SLIT3: variants seen among roughly 807,000 people sequenced by gnomAD.
SLIT3 encodes slit guidance ligand 3, also known as slit homolog 3 protein.
Under a neutral mutation model 184.0 loss-of-function variants are expected in SLIT3, and 68 were observed. That is an observed-to-expected ratio of 0.37 (90% confidence interval 0.30 to 0.45). The LOEUF (loss-of-function observed/expected upper bound fraction) is 0.45, where lower values mean the gene tolerates loss of function less well. Among genes scored for constraint, SLIT3 ranks in the 20% least tolerant of loss-of-function variants. The probability of loss-of-function intolerance (pLI) is 1.00; values close to 1 mark genes in which losing one functional copy is unlikely to be tolerated. For missense variants in SLIT3, 1,707 were observed against 2,026.0 expected (o/e 0.84, Z 3.02); for synonymous variants, 831 against 828.6 (o/e 1.00, Z -0.05).
chr5:169,184,941 G>C (rs1390099595), intron 4 of SLIT3, among the ~76,000 whole-genome samples: 4 of 152,186 alleles, frequency 2.6e-5, no homozygotes, highest in African/African-American at 9.7e-5. Context: ...ATTCTGTAAT[G>C]CAAGAATCTA....
At position 169,207,382 on chromosome 5, in the gene SLIT3, C is replaced by T. The variant is rs1010432853; in HGVS notation, c.342-13832G>A. 8.1e-4 allele frequency among the ~76,000 whole-genome samples: 121 copies of T among 149,410 alleles called. 1 individual carries two copies. In the East Asian group the frequency reaches 0.017, roughly 21 times the overall value. On this transcript the variant is annotated intron_variant, in intron 3 of 35. Coordinates refer to ENST00000519560, the MANE Select transcript of SLIT3 (RefSeq NM_003062.4). ...ACATACACATACATACACACACACACACACACACACACACACACACACACA... is the reference window on the plus strand; with the variant it reads ...ACATACACATACATACACACACACATACACACACACACACACACACACACA...
intron 4 of SLIT3, among the ~76,000 whole-genome samples, chr5:169,187,746 G>T (rs891650348): frequency 3.3e-5 from 5 of 151,610 alleles, no homozygotes; most frequent in African/African-American, 1.2e-4. Flanking sequence ...TAGAGACGGG[G>T]TTTCACCACA....
At chr5:169,125,967 G>A (rs1453600988) in intron 4 of SLIT3, among the ~76,000 whole-genome samples, 4 of 152,090 alleles carry the variant, frequency 2.6e-5, no homozygotes, top group African/African-American at 9.7e-5. Flanking sequence ...TAGGGCCCTA[G>A]AGATCACACT....
chr5:169,249,835 T>C (rs1581101690), intron 2 of SLIT3, among the ~76,000 whole-genome samples: 1 of 152,228 alleles, frequency 6.6e-6, no homozygotes, highest in Admixed American at 6.5e-5. Flanking sequence ...GGGTGTGCCT[T>C]CCCTTTGAGG....
rs140011395 is a variant in SLIT3 at position 168,777,509 on chromosome 5, C to G, written c.1152-3131G>C. On this transcript the variant is annotated intron_variant, in intron 12 of 35. Transcript: ENST00000519560. ...TCTATTGAGGCTCTTTTTTTCTCAT[C>G]CAGATGCTCCTTTGTTTCCTATTGC... Among the ~76,000 whole-genome samples the G allele has an allele frequency of 5.5e-3, 835 of 152,254 alleles. 8 individuals carry two copies. Among genetic ancestry groups the G allele is most frequent in the African/African-American group, 0.02 (816 of 41,538 alleles).
intron 1 of SLIT3, among the ~76,000 whole-genome samples, chr5:169,291,521 C>G (rs767485350): frequency 6.6e-6 from 1 of 152,162 alleles, no homozygotes; most frequent in Non-Finnish European, 1.5e-5. Flanking sequence ...GACTGTACCA[C>G]GTTCCCATTT....
At chr5:169,194,053 T>C (rs1295522660) in intron 3 of SLIT3, among the ~76,000 whole-genome samples, 1 of 151,856 alleles carries the variant, frequency 6.6e-6, no homozygotes, top group Non-Finnish European at 1.5e-5. Context: ...GGCAACATGG[T>C]GAAACCCCGT....
chr5:169,161,126 T>C (rs901589107), intron 4 of SLIT3, among the ~76,000 whole-genome samples: 1 of 152,124 alleles, frequency 6.6e-6, no homozygotes, highest in Non-Finnish European at 1.5e-5. Context: ...CATCTAGGGA[T>C]AACAGTTAAA....
intron 4 of SLIT3, among the ~76,000 whole-genome samples, chr5:169,003,868 G>A (rs1445989019): frequency 6.6e-6 from 1 of 151,860 alleles, no homozygotes; most frequent in Non-Finnish European, 1.5e-5. Context: ...GGTGGCTCTG[G>A]AGGGGGCAGC....
At chr5:169,044,946 C>T (rs909044320) in intron 4 of SLIT3, among the ~76,000 whole-genome samples, 3 of 152,140 alleles carry the variant, frequency 2.0e-5, no homozygotes, top group African/African-American at 4.8e-5. Flanking sequence ...CTTCCCACTG[C>T]TCATACTTCT....
chr5:168,702,958 T>C (rs1762260721), intron 26 of SLIT3, among the ~76,000 whole-genome samples: 1 of 152,044 alleles, frequency 6.6e-6, no homozygotes, highest in Non-Finnish European at 1.5e-5. Context: ...CTCCCAACTA[T>C]GGCGGTGGTG....
intron 4 of SLIT3, among the ~76,000 whole-genome samples, chr5:168,888,384 G>A (rs184333603): frequency 6.6e-6 from 1 of 152,370 alleles, no homozygotes; most frequent in East Asian, 1.9e-4. Context: ...TGCTGAAGAT[G>A]TTCCCAGCTA....
chr5:168,701,222 C>T (rs960701362), intron 26 of SLIT3, among the ~76,000 whole-genome samples: 4 of 152,202 alleles, frequency 2.6e-5, no homozygotes, highest in Non-Finnish European at 4.4e-5. Flanking sequence ...ATAACATTAC[C>T]ATGAGCCTCA....
chr5:168,950,918 T>C (rs1422336071), intron 4 of SLIT3, among the ~76,000 whole-genome samples: 2 of 152,144 alleles, frequency 1.3e-5, no homozygotes, highest in African/African-American at 4.8e-5. Flanking sequence ...TATATAAATA[T>C]GAAAACAAAC....
chr5:168,732,235 C>T (rs1335043196), intron 20 of SLIT3, among the ~76,000 whole-genome samples: 2 of 151,780 alleles, frequency 1.3e-5, no homozygotes, highest in East Asian at 3.9e-4. Flanking sequence ...AAAACAAAAC[C>T]CTAGGAATAT....
At position 168,696,406 on chromosome 5, in the gene SLIT3, C is replaced by T. The variant is rs1371476176; in HGVS notation, c.2968G>A (p.Gly990Arg). The T allele has an allele frequency of 6.2e-7, 1 of 1,614,104 alleles. No individual in the cohort carries two copies. The stretch of plus-strand genomic sequence containing the variant: ...TCTGGGTTGATCTCACACCGCTGCC[C>T]CTCAAAGCCCAGAGGGCAGGAGCAG... Reference protein sequence around the residue: ...FSCSCPLGFEGQRCEINPDDC... With the variant: ...FSCSCPLGFERQRCEINPDDC... Residue 990 changes from glycine to arginine, a missense_variant, in exon 28 of 36, where the codon GGG becomes AGG. Gly to Arg is a moderately radical substitution (Grantham distance 125, BLOSUM62 -2). This residue lies in a region of SLIT3 where 1,307 missense variants were observed against 1,511.6 expected (regional missense o/e 0.86). Transcript: ENST00000519560.
chr5:169,229,102 G>C (rs932728558), intron 3 of SLIT3, among the ~76,000 whole-genome samples: 4 of 148,926 alleles, frequency 2.7e-5, no homozygotes, highest in Admixed American at 6.7e-5. Flanking sequence ...GAGACAGAGA[G>C]AGAGAGAGGG....
intron 4 of SLIT3, among the ~76,000 whole-genome samples, chr5:168,942,368 C>T (rs1168003380): frequency 1.3e-5 from 2 of 152,132 alleles, no homozygotes; most frequent in Non-Finnish European, 2.9e-5. Flanking sequence ...TTAAAAAAGC[C>T]ATTTTGAATT....
At position 168,953,009 on chromosome 5, in the gene SLIT3, C is replaced by T. The variant is rs114251866; in HGVS notation, c.414-69673G>A. 2.8e-3 allele frequency among the ~76,000 whole-genome samples: 433 copies of T among 152,208 alleles called. 5 individuals are homozygous for T. Among genetic ancestry groups the T allele is most frequent in the African/African-American group, 9.6e-3 (400 of 41,536 alleles). ...AACAAGGTTTTTGCTGAGGACGGGT[C>T]GGGGAGACCAGACATCACCTGGGGG... On this transcript the variant is annotated intron_variant, in intron 4 of 35. Coordinates refer to ENST00000519560, the MANE Select transcript of SLIT3 (RefSeq NM_003062.4).
Sources: gnomAD v4.1 joint callset for allele counts (sites outside exome capture counted in the v4.1 genomes callset) on GRCh38, gnomAD v4.1.1 for gene constraint, gnomAD v4.1.1 regional missense constraint, MANE v1.5 for transcripts, NCBI Gene and HGNC (gene_info 2026-07-23, HGNC 2026-07-21) for gene names.